FREM2: variants seen among roughly 807,000 people sequenced by gnomAD.
FREM2 encodes FRAS1-related extracellular matrix protein 2.
FREM2 carries 119 observed loss-of-function variants against 219.9 expected under a neutral mutation model. The ratio of observed to expected loss-of-function variants is 0.54; its 90% confidence interval spans 0.47 to 0.63. The LOEUF (loss-of-function observed/expected upper bound fraction) is 0.63, where lower values mean the gene tolerates loss of function less well. Ranked by LOEUF, FREM2 falls within the 30% of genes least tolerant of loss-of-function variation. The pLI, the probability that FREM2 is intolerant of heterozygous loss-of-function variation, is 0.00. For missense variants in FREM2, 4,030 were observed against 3,993.6 expected, an observed-to-expected ratio of 1.01 and a Z score of -0.25; for synonymous variants, 1,562 against 1,522.8, an observed-to-expected ratio of 1.03 and a Z score of -0.60.
Position 38,688,500 on chromosome 13 carries a change from AGG to A in FREM2, c.1158_1159del (p.Asp387SerfsTer13), listed in dbSNP as rs758849142. On this transcript the variant is annotated frameshift_variant, in exon 1 of 24. Coordinates refer to ENST00000280481, the MANE Select transcript of FREM2 (RefSeq NM_207361.6). LOFTEE classifies it high-confidence loss of function. ...RSLPLSSFTQ[R>X]DLRLLKIAYQ... is the part of the protein sequence containing the mutation. ...CCTGCCCCTTTCCTCCTTCACTCAGAGGGATCTGCGGCTCCTGAAGATTGCCT... is the reference window on the plus strand; with the variant it reads ...CCTGCCCCTTTCCTCCTTCACTCAGAGATCTGCGGCTCCTGAAGATTGCCT... 6.2e-7 allele frequency: 1 copy of A among 1,613,936 alleles called. No homozygotes were observed. Among genetic ancestry groups the A allele is most frequent in the Non-Finnish European group, 8.5e-7 (1 of 1,179,956 alleles).
intron 2 of FREM2, among the ~76,000 whole-genome samples, chr13:38,743,196 A>G (rs181936215): frequency 3.7e-4 from 57 of 152,224 alleles, no homozygotes; most frequent in African/African-American, 1.3e-3. Context: ...TGCTCAAGTC[A>G]ACTTTATGCT....
intron 2 of FREM2, among the ~76,000 whole-genome samples, chr13:38,701,966 C>T (rs75996896): frequency 1.5e-3 from 232 of 152,132 alleles, no homozygotes; most frequent in Non-Finnish European, 2.7e-3. Flanking sequence ...TAAATACTTA[C>T]CGAACATTAA....
chr13:38,733,836 A>C (rs1003103636), intron 2 of FREM2, among the ~76,000 whole-genome samples: 1 of 152,154 alleles, frequency 6.6e-6, no homozygotes, highest in African/African-American at 2.4e-5. Context: ...AATTATTCAA[A>C]AACTATTGAG....
At chr13:38,879,475 C>T (rs1878466884) in intron 23 of FREM2, among the ~76,000 whole-genome samples, 2 of 152,114 alleles carry the variant, frequency 1.3e-5, no homozygotes, top group African/African-American at 4.8e-5. Context: ...ACTCAGGGAT[C>T]AAAGGTGGAG....
rs2137948476 is a variant in FREM2 at position 38,885,191 on chromosome 13, G to GAGT, written c.*4406_*4408dup. The GAGT allele has an allele frequency of 6.6e-6, 1 of 152,278 alleles. No individual in the cohort carries two copies. Among genetic ancestry groups the GAGT allele is most frequent in the South Asian group, 2.1e-4 (1 of 4,824 alleles). 9.4% of individuals were successfully genotyped at this position (152,278 alleles called of 1,614,324 possible). On this transcript the variant is annotated 3_prime_UTR_variant, in exon 24 of 24. Transcript: ENST00000280481. ...ATTTTTCTATAGTTTCCATCAGGAA[G>GAGT]AGTACATCAGAAACTTCTCCATAAG...
At chr13:38,867,725 C>A (rs1415018585) in intron 16 of FREM2, among the ~76,000 whole-genome samples, 1 of 152,226 alleles carries the variant, frequency 6.6e-6, no homozygotes, top group Non-Finnish European at 1.5e-5. Context: ...ACTGGGAGTT[C>A]TGATATCCAA....
Position 38,699,837 on chromosome 13 carries a change from T to C in FREM2, c.5263+2050T>C, listed in dbSNP as rs1251580048. Among the ~76,000 whole-genome samples the C allele has an allele frequency of 2.0e-5, 3 of 152,150 alleles. No homozygotes were observed. In the East Asian group the frequency reaches 5.8e-4, roughly 29 times the overall value. On this transcript the variant is annotated intron_variant, in intron 2 of 23. Coordinates refer to ENST00000280481, the MANE Select transcript of FREM2 (RefSeq NM_207361.6). The stretch of plus-strand genomic sequence containing the variant: ...TTTTTGCATTGCCGTATAAATCTTC[T>C]GACATTTGAATGAGAAGTGCAATAC...
intron 2 of FREM2, among the ~76,000 whole-genome samples, chr13:38,726,797 C>A (rs549140781): frequency 2.0e-5 from 3 of 152,132 alleles, no homozygotes; most frequent in Non-Finnish European, 2.9e-5. Context: ...TTCACATAGA[C>A]CTATGATTGT....
Position 38,857,869 on chromosome 13 carries a change from T to G in FREM2, c.7057-6T>G. On this transcript the variant is annotated splice_polypyrimidine_tract_variant and splice_region_variant and intron_variant, in intron 12 of 23. Coordinates refer to ENST00000280481, the MANE Select transcript of FREM2 (RefSeq NM_207361.6). ...CTAATCAGTGATAATTGTCTTTTCC[T>G]TCTAGTTGACGAAAGCCATTGTGTA... The G allele has an allele frequency of 6.2e-7, 1 of 1,611,772 alleles. No individual in the cohort carries two copies. The highest frequency in any genetic ancestry group is 8.5e-7 in the Non-Finnish European group (1 of 1,177,848).
At chr13:38,766,697 C>T (rs939537330) in intron 3 of FREM2, among the ~76,000 whole-genome samples, 3 of 152,102 alleles carry the variant, frequency 2.0e-5, no homozygotes, top group Non-Finnish European at 4.4e-5. Context: ...ATTTTATAAC[C>T]ACTAAAACTA....
At chr13:38,861,974 A>AT (rs1297423683) in intron 15 of FREM2, among the ~76,000 whole-genome samples, 2 of 152,220 alleles carry the variant, frequency 1.3e-5, no homozygotes, top group Non-Finnish European at 2.9e-5. Flanking sequence ...ACTGTAAGAC[A>AT]TTTCCAAGAT....
rs1566105536 is a variant in FREM2 at position 38,691,305 on chromosome 13, A to T, written c.3961A>T (p.Ile1321Phe). The T allele has an allele frequency of 6.2e-7, 1 of 1,614,076 alleles. No homozygotes were observed. The stretch of plus-strand genomic sequence containing the variant: ...AGAAATAGAAATTGGGGATACCAAG[A>T]TTATCAACAACAAAATATTAATGGC... ...GLEIEIGDTK[I>F]INNKILMATD... The change falls in exon 1 of 24, where the codon ATT becomes TTT. Residue 1321 changes from isoleucine to phenylalanine, a missense_variant. Physicochemically the swap from Ile to Phe is conservative, Grantham distance 21. Transcript: ENST00000280481.
rs150548413 is a variant in FREM2, at chr13:38,771,568, A to G, written c.5641+1760A>G. On this transcript the variant is annotated intron_variant, in intron 4 of 23. Coordinates refer to ENST00000280481, the MANE Select transcript of FREM2 (RefSeq NM_207361.6). The stretch of plus-strand genomic sequence containing the variant: ...AAACACATACGCACACCCCACATAC[A>G]CAGCCCCCCACTTATATAATCTTTT... 3.8e-4 allele frequency among the ~76,000 whole-genome samples: 58 copies of G among 152,272 alleles called. No homozygotes were observed. The East Asian group carries it at 0.011, about 29-fold the overall frequency.
At chr13:38,801,601 A>AGC (rs1875010548) in intron 6 of FREM2, among the ~76,000 whole-genome samples, 1 of 152,156 alleles carries the variant, frequency 6.6e-6, no homozygotes, top group Non-Finnish European at 1.5e-5. Flanking sequence ...GACTGTAAAT[A>AGC]ACATCCATGG....
intron 2 of FREM2, among the ~76,000 whole-genome samples, chr13:38,751,178 A>G (rs1454821967): frequency 7.0e-6 from 1 of 143,464 alleles, no homozygotes; most frequent in East Asian, 2.1e-4. Context: ...GGATTGCTGG[A>G]TCATATGACA....
chr13:38,841,095 T>G (rs1378664253), intron 6 of FREM2, among the ~76,000 whole-genome samples: 1 of 152,134 alleles, frequency 6.6e-6, no homozygotes, highest in Non-Finnish European at 1.5e-5. Context: ...TCTCTTAATC[T>G]CCCTAATCCT....
intron 2 of FREM2, among the ~76,000 whole-genome samples, chr13:38,739,827 T>C (rs1207732090): frequency 6.6e-6 from 1 of 152,192 alleles, no homozygotes; most frequent in Non-Finnish European, 1.5e-5. Flanking sequence ...TTACTGATAA[T>C]GATAAAGTAG....
At position 38,742,283 on chromosome 13, in the gene FREM2, G is replaced by A. The variant is rs531935554; in HGVS notation, c.5264-22021G>A. On this transcript the variant is annotated intron_variant, in intron 2 of 23. Transcript: ENST00000280481. ...GCAATATCTAATAATGAATATTGCT[G>A]CTGTATTTTGTGAGGCAGAATTCCC... 2.0e-5 allele frequency among the ~76,000 whole-genome samples: 3 copies of A among 152,338 alleles called. No individual in the cohort carries two copies. In the South Asian group the frequency reaches 6.2e-4, roughly 32 times the overall value.
At position 38,690,827 on chromosome 13, in the gene FREM2, C is replaced by G; in HGVS notation, c.3483C>G (p.Asp1161Glu). The change falls in exon 1 of 24, where the codon GAC becomes GAG. Residue 1161 changes from aspartate to glutamate, a missense_variant. Asp to Glu is a conservative substitution (Grantham distance 45, BLOSUM62 2). Coordinates refer to ENST00000280481, the MANE Select transcript of FREM2 (RefSeq NM_207361.6). ...ATAAAGGGGTGGAACCTGTGGAGGACCGATTTGTATTTCGTTGTTCTGATG... is the reference window on the plus strand; with the variant it reads ...ATAAAGGGGTGGAACCTGTGGAGGAGCGATTTGTATTTCGTTGTTCTGATG... ...SVHKGVEPVE[D>E]RFVFRCSDGI... 1 of 1,614,048 alleles carries G rather than the reference C, an allele frequency of 6.2e-7. No homozygotes were observed. The highest frequency in any genetic ancestry group is 8.5e-7 in the Non-Finnish European group (1 of 1,180,006).
Sources: gnomAD v4.1 joint callset for allele counts (sites outside exome capture counted in the v4.1 genomes callset) on GRCh38, gnomAD v4.1.1 for gene constraint, MANE v1.5 for transcripts, NCBI Gene and HGNC (gene_info 2026-07-23, HGNC 2026-07-21) for gene names.